CTNNA3: variants seen among roughly 807,000 people sequenced by gnomAD.
The protein encoded by CTNNA3 is catenin alpha 3, also known as catenin alpha-3.
CTNNA3 carries 76 observed loss-of-function variants against 95.7 expected under a neutral mutation model. The observed-to-expected ratio is 0.79, with a 90% CI of 0.66 to 0.96. The LOEUF is 0.96. CTNNA3 is among the 40% of genes least tolerant of loss of function. The pLI, the probability that CTNNA3 is intolerant of heterozygous loss-of-function variation, is 0.00. For missense variants in CTNNA3, 1,191 were observed against 1,089.8 expected (o/e 1.09, Z -1.31); for synonymous variants, 431 against 374.4 (o/e 1.15, Z -1.74).
intron 5 of CTNNA3, among the ~76,000 whole-genome samples, chr10:67,369,032 CA>C (rs1843317114): frequency 1.3e-5 from 2 of 152,094 alleles, no homozygotes; most frequent in Admixed American, 6.5e-5. Context: ...GGGGCTGAAG[CA>C]GGGGGATCTT....
intron 3 of CTNNA3, among the ~76,000 whole-genome samples, chr10:67,555,580 C>T (rs889986438): frequency 7.9e-5 from 12 of 152,122 alleles, no homozygotes; most frequent in Non-Finnish European, 7.4e-5. Context: ...TATAGGAATG[C>T]TTGTGATTTT....
intron 15 of CTNNA3, among the ~76,000 whole-genome samples, chr10:66,046,936 T>C (rs1034866239): frequency 5.9e-5 from 9 of 152,014 alleles, no homozygotes; most frequent in Admixed American, 3.3e-4. Context: ...CAGAAAGAAA[T>C]TGATTACCTG....
chr10:67,580,973 T>C (rs1302073774), intron 3 of CTNNA3, among the ~76,000 whole-genome samples: 1 of 151,996 alleles, frequency 6.6e-6, no homozygotes, highest in African/African-American at 2.4e-5. Context: ...GACAATGGGG[T>C]TTTCTAGATA....
At position 67,504,194 on chromosome 10, in the gene CTNNA3, T is replaced by G. The variant is rs952673279; in HGVS notation, c.579+17648A>C. Among the ~76,000 whole-genome samples the G allele has an allele frequency of 1.3e-4, 19 of 147,846 alleles. 1 individual carries two copies. Among genetic ancestry groups the G allele is most frequent in the African/African-American group, 4.5e-4 (18 of 39,818 alleles). Reference sequence around the variant, plus strand: ...ACAGGTCGGTGCCAAGGCTCATGCCTGTAATCCCAGAACTTGAGGAGGCTG... The same window carrying G: ...ACAGGTCGGTGCCAAGGCTCATGCCGGTAATCCCAGAACTTGAGGAGGCTG... On this transcript the variant is annotated intron_variant, in intron 5 of 17. Transcript: ENST00000433211.
At chr10:66,690,152 A>C (rs564181160) in intron 9 of CTNNA3, among the ~76,000 whole-genome samples, 1 of 152,146 alleles carries the variant, frequency 6.6e-6, no homozygotes, top group Non-Finnish European at 1.5e-5. Context: ...GGGAGTATGC[A>C]TGTATATGTG....
intron 15 of CTNNA3, among the ~76,000 whole-genome samples, chr10:66,054,240 A>G (rs1362778724): frequency 6.6e-6 from 1 of 152,174 alleles, no homozygotes; most frequent in Non-Finnish European, 1.5e-5. Context: ...TTGGATGTAT[A>G]TCCAGCAGTG....
In CTNNA3 at chr10:65,914,704, T is replaced by A. The variant is rs771841481; in HGVS notation, c.*5626A>T. 6.6e-6 allele frequency: 1 copy of A among 152,142 alleles called. No homozygotes were observed. The highest frequency in any genetic ancestry group is 1.5e-5 in the Non-Finnish European group (1 of 68,018). 9.4% of individuals were successfully genotyped at this position (152,142 alleles called of 1,614,324 possible). On this transcript the variant is annotated 3_prime_UTR_variant, in exon 18 of 18. Transcript: ENST00000433211. ...ACAAATGGTATTAACCAACCAATAC[T>A]GAAGATGGGCTGAAACAGGCATTTC...
At chr10:67,309,081 T>C (rs897374394) in intron 5 of CTNNA3, among the ~76,000 whole-genome samples, 1 of 152,202 alleles carries the variant, frequency 6.6e-6, no homozygotes, top group African/African-American at 2.4e-5. Context: ...ATTACAATTA[T>C]GACTCATCTC....
At chr10:66,261,087 G>T (rs138782461) in intron 13 of CTNNA3, among the ~76,000 whole-genome samples, 1 of 152,074 alleles carries the variant, frequency 6.6e-6, no homozygotes, top group South Asian at 2.1e-4. Flanking sequence ...ATGAGAGAAT[G>T]TATGTGAAGT....
intron 13 of CTNNA3, among the ~76,000 whole-genome samples, chr10:66,135,269 T>C (rs1165544641): frequency 6.6e-6 from 1 of 152,182 alleles, no homozygotes; most frequent in Non-Finnish European, 1.5e-5. Context: ...TGGTTCTTTC[T>C]GGCTAAGGTA....
chr10:66,039,095 CCAA>C (rs1371632298), intron 15 of CTNNA3, among the ~76,000 whole-genome samples: 1 of 152,138 alleles, frequency 6.6e-6, no homozygotes, highest in African/African-American at 2.4e-5. Flanking sequence ...TTCTTACACA[CCAA>C]CAACATCCAA....
At chr10:67,362,356 T>C (rs1416523928) in intron 5 of CTNNA3, among the ~76,000 whole-genome samples, 1 of 152,086 alleles carries the variant, frequency 6.6e-6, no homozygotes, top group Non-Finnish European at 1.5e-5. Context: ...CTAATGAACA[T>C]GGATGCAAAA....
At chr10:65,989,589 T>C (rs563235906) in intron 15 of CTNNA3, among the ~76,000 whole-genome samples, 1 of 148,318 alleles carries the variant, frequency 6.7e-6, no homozygotes, top group Middle Eastern at 3.6e-3. Context: ...AATTTATTGA[T>C]GGTAAAATTC....
chr10:66,885,130 T>C (rs994768077), intron 7 of CTNNA3, among the ~76,000 whole-genome samples: 1 of 152,042 alleles, frequency 6.6e-6, no homozygotes, highest in Non-Finnish European at 1.5e-5. Flanking sequence ...TCAGAGAGAA[T>C]CAAAAGACAT....
chr10:67,341,750 T>C (rs1377239729), intron 5 of CTNNA3, among the ~76,000 whole-genome samples: 7 of 152,188 alleles, frequency 4.6e-5, no homozygotes, highest in Admixed American at 2.0e-4. Context: ...GCTCTATTTT[T>C]AGTTTTTGAG....
intron 7 of CTNNA3, among the ~76,000 whole-genome samples, chr10:66,793,542 T>C (rs1841065404): frequency 1.3e-5 from 2 of 152,178 alleles, no homozygotes; most frequent in South Asian, 2.1e-4. Flanking sequence ...GTATCTATTA[T>C]ACACCAGGAA....
At chr10:67,474,427 A>C (rs1277271107) in intron 5 of CTNNA3, among the ~76,000 whole-genome samples, 1 of 152,214 alleles carries the variant, frequency 6.6e-6, no homozygotes, top group Non-Finnish European at 1.5e-5. Context: ...ATACAGCTAA[A>C]AGGTGACTGT....
chr10:65,974,274 A>C (rs776254104), intron 16 of CTNNA3, among the ~76,000 whole-genome samples: 15 of 152,220 alleles, frequency 9.9e-5, no homozygotes, highest in Non-Finnish European at 2.1e-4. Context: ...TGTTCTACCC[A>C]AAAAGACACT....
At position 66,360,816 on chromosome 10, in the gene CTNNA3, C is replaced by CCTTTCTTTCTTTCTTT. The variant is rs758092288; in HGVS notation, c.1732+18320_1732+18335dup. On this transcript the variant is annotated intron_variant, in intron 12 of 17. Coordinates refer to ENST00000433211, the MANE Select transcript of CTNNA3 (RefSeq NM_013266.4). ...TCCTTCCTTCCTTCCTTCCTTCCTT[C>CCTTTCTTTCTTTCTTT]CTTTCTTTCTTTCTTTCTTTCTTTC... Among the ~76,000 whole-genome samples, 108 of 50,262 alleles carry CCTTTCTTTCTTTCTTT rather than the reference C, an allele frequency of 2.1e-3. 4 individuals carry two copies. Among genetic ancestry groups the CCTTTCTTTCTTTCTTT allele is most frequent in the East Asian group, 4.5e-3 (10 of 2,216 alleles). 33.0% of individuals were successfully genotyped at this position (50,262 alleles called of 152,430 possible).
Sources: gnomAD v4.1 joint callset for allele counts (sites outside exome capture counted in the v4.1 genomes callset) on GRCh38, gnomAD v4.1.1 for gene constraint, MANE v1.5 for transcripts, NCBI Gene and HGNC (gene_info 2026-07-23, HGNC 2026-07-21) for gene names.